AADACL4: variants seen among roughly 807,000 people sequenced by gnomAD.
The protein encoded by AADACL4 is arylacetamide deacetylase like 4.
AADACL4 carries 9 observed loss-of-function variants against 14.1 expected under a neutral mutation model. That is an observed-to-expected ratio of 0.64 (90% CI 0.39 to 1.12). The LOEUF (loss-of-function observed/expected upper bound fraction) is 1.12. Among genes scored for constraint, AADACL4 ranks in the 50% most tolerant of loss-of-function variants. AADACL4 has a pLI of 0.01. For missense variants in AADACL4, 531 were observed against 516.1 expected, an observed-to-expected ratio of 1.03 and a Z score of -0.28; for synonymous variants, 188 against 201.6, an observed-to-expected ratio of 0.93 and a Z score of 0.57.
At chr1:12,651,828 ATT>A (rs34997722) in intron 2 of AADACL4, among the ~76,000 whole-genome samples, 24 of 124,084 alleles carry the variant, frequency 1.9e-4, no homozygotes, top group Admixed American at 2.4e-4. Flanking sequence ...AGCTAGGAGG[ATT>A]TTTTTTTTTT....
At chr1:12,649,950 G>C (rs925278799) in intron 1 of AADACL4, among the ~76,000 whole-genome samples, 1 of 152,194 alleles carries the variant, frequency 6.6e-6, no homozygotes, top group African/African-American at 2.4e-5. Context: ...ACAACCCTGG[G>C]CAAGGAACTT....
intron 3 of AADACL4, among the ~76,000 whole-genome samples, chr1:12,664,009 T>G (rs1222258915): frequency 6.6e-6 from 1 of 152,196 alleles, no homozygotes; most frequent in Non-Finnish European, 1.5e-5. Context: ...GGTGTTAACT[T>G]TTAAAGGAAA....
chr1:12,658,994 T>C (rs1471196565), intron 2 of AADACL4, among the ~76,000 whole-genome samples: 1 of 152,160 alleles, frequency 6.6e-6, no homozygotes, highest in African/African-American at 2.4e-5. Flanking sequence ...CACGAATGAA[T>C]AGATGGATGG....
chr1:12,650,967 C>T (rs1647141526), intron 1 of AADACL4, among the ~76,000 whole-genome samples, 156 bp from the exon 2 acceptor site: 1 of 152,196 alleles, frequency 6.6e-6, no homozygotes, highest in Admixed American at 6.5e-5. Flanking sequence ...TACCTGGACA[C>T]AGTCCAGAGC....
chr1:12,650,944 A>T (rs1443496025), intron 1 of AADACL4, among the ~76,000 whole-genome samples, 179 bp from the exon 2 acceptor site: 15 of 152,170 alleles, frequency 9.9e-5, no homozygotes, highest in Non-Finnish European at 8.8e-5. Flanking sequence ...AAAAGTTGGA[A>T]AACCCAGCCC....
At chr1:12,645,850 G>C (rs775103770) in intron 1 of AADACL4, among the ~76,000 whole-genome samples, 41 of 152,202 alleles carry the variant, frequency 2.7e-4, no homozygotes, top group Non-Finnish European at 1.0e-4. Flanking sequence ...AGCTTCACAG[G>C]TGTTTTTTTC....
At chr1:12,652,795 T>C (rs912379550) in intron 2 of AADACL4, among the ~76,000 whole-genome samples, 12 of 152,182 alleles carry the variant, frequency 7.9e-5, no homozygotes, top group Non-Finnish European at 1.6e-4. Flanking sequence ...AACATGTTAA[T>C]GAACACATAA....
At chr1:12,645,157 TTC>T (rs1427652800) in intron 1 of AADACL4, among the ~76,000 whole-genome samples, 4 of 136,788 alleles carry the variant, frequency 2.9e-5, no homozygotes, top group Non-Finnish European at 6.3e-5. Flanking sequence ...CCTTCCTTCA[TTC>T]TCTCTCTTCC....
Position 12,644,656 on chromosome 1 carries a change from T to G in AADACL4, c.110T>G (p.Leu37Trp), listed in dbSNP as rs774440450. Residue 37 changes from leucine to tryptophan, a missense_variant, in exon 1 of 4, where the codon TTG (leucine) becomes TGG (tryptophan). Leu to Trp is a moderately conservative substitution (Grantham distance 61). Coordinates refer to ENST00000376221, the MANE Select transcript of AADACL4 (RefSeq NM_001013630.2). ...CTCACCACGGATATCCCTGCTACCT[T>G]GCAGCATCCTGCCAAGTTGAGATTC... ...HFLTTDIPAT[L>W]QHPAKLRFLH... The G allele has an allele frequency of 6.2e-7, 1 of 1,614,034 alleles. No homozygotes were observed. The highest frequency in any genetic ancestry group is 8.5e-7 in the Non-Finnish European group (1 of 1,180,012).
intron 2 of AADACL4, among the ~76,000 whole-genome samples, chr1:12,656,904 G>A (rs1340723013): frequency 1.3e-5 from 2 of 152,126 alleles, no homozygotes; most frequent in Non-Finnish European, 2.9e-5. Context: ...ACTTTGGGAG[G>A]TTGAGGCAGG....
At chr1:12,660,059 C>T (rs913565733) in intron 2 of AADACL4, among the ~76,000 whole-genome samples, 1 of 152,202 alleles carries the variant, frequency 6.6e-6, no homozygotes, top group South Asian at 2.1e-4. Context: ...GTCAAGTGAT[C>T]CCCCCACCTT....
intron 2 of AADACL4, among the ~76,000 whole-genome samples, chr1:12,658,108 T>TTTCC (rs748632129): frequency 0.059 from 7,215 of 122,000 alleles, 297 homozygotes; most frequent in South Asian, 0.12. Context: ...TCTCTCTTTC[T>TTTCC]TTCCTTCCTT....
chr1:12,650,546 T>TTC (rs1647138184), intron 1 of AADACL4, among the ~76,000 whole-genome samples: 2 of 151,622 alleles, frequency 1.3e-5, no homozygotes, highest in African/African-American at 4.8e-5. Flanking sequence ...TTTTTTTTTT[T>TTC]TCCCCGAGAT....
At chr1:12,659,585 C>T (rs563974398) in intron 2 of AADACL4, among the ~76,000 whole-genome samples, 23 of 152,326 alleles carry the variant, frequency 1.5e-4, no homozygotes, top group Non-Finnish European at 2.5e-4. Flanking sequence ...AATGTATACA[C>T]AGGCAGGACC....
intron 2 of AADACL4, among the ~76,000 whole-genome samples, chr1:12,660,134 G>A (rs917017565): frequency 6.6e-6 from 1 of 152,144 alleles, no homozygotes; most frequent in African/African-American, 2.4e-5. Context: ...TTTTTACAGA[G>A]ACGGGGTCTT....
chr1:12,648,595 G>A (rs1384324372), intron 1 of AADACL4, among the ~76,000 whole-genome samples: 3 of 151,064 alleles, frequency 2.0e-5, no homozygotes, highest in African/African-American at 7.3e-5. Flanking sequence ...TAGAGATGGG[G>A]TTTCTTCATG....
At chr1:12,648,479 C>T (rs938018734) in intron 1 of AADACL4, among the ~76,000 whole-genome samples, 3 of 151,748 alleles carry the variant, frequency 2.0e-5, no homozygotes, top group South Asian at 4.2e-4. Context: ...TCACTGCAAC[C>T]GCCATCTTCC....
chr1:12,648,610 C>T (rs1392238406), intron 1 of AADACL4, among the ~76,000 whole-genome samples: 2 of 146,842 alleles, frequency 1.4e-5, no homozygotes, highest in East Asian at 4.0e-4. Context: ...TTCATGTTGT[C>T]CAGGCTGGTC....
In AADACL4 at chr1:12,659,050, T is replaced by C. The variant is rs1487326214; in HGVS notation, c.386-2741T>C. Reference sequence around the variant, plus strand: ...AAGGATGAGCTTGCGAATGAACAAATGGATATGGATGTATGGACCGACGCA... The same window carrying C: ...AAGGATGAGCTTGCGAATGAACAAACGGATATGGATGTATGGACCGACGCA... On this transcript the variant is annotated intron_variant, in intron 2 of 3. Coordinates refer to ENST00000376221, the MANE Select transcript of AADACL4 (RefSeq NM_001013630.2). 3.3e-5 allele frequency among the ~76,000 whole-genome samples: 5 copies of C among 152,270 alleles called. No individual in the cohort carries two copies. The South Asian group carries it at 8.3e-4, about 25-fold the overall frequency.
Sources: allele counts gnomAD v4.1 joint callset (sites outside exome capture counted in the v4.1 genomes callset), GRCh38; gene constraint gnomAD v4.1.1; transcripts MANE v1.5; gene names NCBI Gene and HGNC (gene_info 2026-07-23, HGNC 2026-07-21).